AGBL1: variants seen among roughly 807,000 people sequenced by gnomAD.
The protein encoded by AGBL1 is cytosolic carboxypeptidase 4.
A neutral mutation model predicts 118.9 loss-of-function variants in AGBL1; 130 were observed. The observed-to-expected ratio is 1.09, with a 90% CI of 0.95 to 1.26. AGBL1 has a LOEUF of 1.26. Among genes scored for constraint, AGBL1 ranks in the 50% most tolerant of loss-of-function variants. The pLI is 0.00. For missense variants in AGBL1, 1,584 were observed against 1,298.1 expected, an observed-to-expected ratio of 1.22 and a Z score of -3.38; for synonymous variants, 555 against 478.9, an observed-to-expected ratio of 1.16 and a Z score of -2.08.
At chr15:87,009,201 G>C (rs966397741) in intron 24 of AGBL1, among the ~76,000 whole-genome samples, 3 of 152,236 alleles carry the variant, frequency 2.0e-5, no homozygotes, top group African/African-American at 7.2e-5. Flanking sequence ...GCTCAGTACA[G>C]GGTCCCTATG....
rs568243139 is a variant in AGBL1 at position 86,479,314 on chromosome 15, A to C, written c.2556-43496A>C. On this transcript the variant is annotated intron_variant, in intron 18 of 22. Coordinates refer to ENST00000614907, the MANE Select transcript of AGBL1 (RefSeq NM_001386094.1). Reference sequence around the variant, plus strand: ...ACAGGCAACCTACAGAATGGGAGAAAAATTTTGCAATCTACTCATCTGACA... The same window carrying C: ...ACAGGCAACCTACAGAATGGGAGAACAATTTTGCAATCTACTCATCTGACA... Among the ~76,000 whole-genome samples, 6 of 152,328 alleles carry C rather than the reference A, an allele frequency of 3.9e-5. No individual in the cohort carries two copies. The South Asian group carries it at 1.2e-3, about 32-fold the overall frequency.
chr15:86,761,650 A>G (rs2078026082), intron 22 of AGBL1, among the ~76,000 whole-genome samples: 1 of 152,018 alleles, frequency 6.6e-6, no homozygotes, highest in South Asian at 2.1e-4. Context: ...TCTGTTCATA[A>G]TCATTTGTGC....
At chr15:86,314,975 T>C (rs1402983845) in intron 17 of AGBL1, among the ~76,000 whole-genome samples, 1 of 152,214 alleles carries the variant, frequency 6.6e-6, no homozygotes, top group African/African-American at 2.4e-5. Context: ...GTTCCTTATC[T>C]GTAAATAGGG....
chr15:86,836,545 G>A (rs919156843), intron 22 of AGBL1, among the ~76,000 whole-genome samples: 49 of 152,062 alleles, frequency 3.2e-4, no homozygotes, highest in African/African-American at 1.1e-3. Flanking sequence ...CTCACCCCAA[G>A]ACAAGCTCTC....
chr15:86,669,324 G>T (rs576993794), intron 21 of AGBL1, among the ~76,000 whole-genome samples: 5 of 151,778 alleles, frequency 3.3e-5, no homozygotes, highest in South Asian at 2.1e-4. Context: ...GTTGAAGAAA[G>T]AATTATTAAT....
At chr15:86,465,232 C>T (rs2082387588) in intron 18 of AGBL1, among the ~76,000 whole-genome samples, 1 of 152,270 alleles carries the variant, frequency 6.6e-6, no homozygotes, top group South Asian at 2.1e-4. Flanking sequence ...GATTTATGGA[C>T]ATTTATCACT....
At position 86,563,013 on chromosome 15, in the gene AGBL1, G is replaced by A. The variant is rs374105353; in HGVS notation, c.2994+8476G>A. 7.2e-5 allele frequency among the ~76,000 whole-genome samples: 11 copies of A among 151,942 alleles called. No individual in the cohort carries two copies. In the East Asian group the frequency reaches 7.7e-4, roughly 11 times the overall value. On this transcript the variant is annotated intron_variant, in intron 21 of 22. Transcript: ENST00000614907. Reference sequence around the variant, plus strand: ...TATCCCCTTTATCATTTTTTATTGCGTTTATTTGATTCTTCTCTCTTTTTT... The same window carrying A: ...TATCCCCTTTATCATTTTTTATTGCATTTATTTGATTCTTCTCTCTTTTTT...
intron 18 of AGBL1, among the ~76,000 whole-genome samples, chr15:86,510,901 T>C (rs1257392387): frequency 6.6e-6 from 1 of 152,084 alleles, no homozygotes; most frequent in Non-Finnish European, 1.5e-5. Context: ...TCTATCACCT[T>C]CTGACCACTG....
chr15:86,169,576 C>A lies in AGBL1; in HGVS notation c.488+10550C>A, dbSNP rs1051388243. ...TTCATATAAAATATTGCAATAGTCG[C>A]ATATAACTTATGCACTTCCTCCTGT... On this transcript the variant is annotated intron_variant, in intron 5 of 22. Coordinates refer to ENST00000614907, the MANE Select transcript of AGBL1 (RefSeq NM_001386094.1). Among the ~76,000 whole-genome samples the A allele has an allele frequency of 5.9e-5, 9 of 152,182 alleles. 1 individual carries two copies. The highest frequency in any genetic ancestry group is 6.3e-3 in the Middle Eastern group (2 of 316).
intron 17 of AGBL1, among the ~76,000 whole-genome samples, chr15:86,374,833 T>C (rs768872481): frequency 7.9e-5 from 12 of 152,248 alleles, no homozygotes; most frequent in Non-Finnish European, 1.6e-4. Context: ...CCATATTATC[T>C]TGAGCCAGTC....
intron 17 of AGBL1, among the ~76,000 whole-genome samples, chr15:86,382,781 C>T (rs2081129744): frequency 6.6e-6 from 1 of 151,908 alleles, no homozygotes; most frequent in Non-Finnish European, 1.5e-5. Flanking sequence ...AATATAATAG[C>T]TCTATTTAAA....
chr15:86,557,272 T>G (rs2083748180), intron 21 of AGBL1, among the ~76,000 whole-genome samples: 1 of 152,144 alleles, frequency 6.6e-6, no homozygotes. Context: ...GGGGGCTCAT[T>G]TTTTTAGAGG....
intron 18 of AGBL1, among the ~76,000 whole-genome samples, chr15:86,452,289 GT>G (rs2082203486): frequency 6.6e-6 from 1 of 152,138 alleles, no homozygotes; most frequent in Non-Finnish European, 1.5e-5. Flanking sequence ...CCTTTCTTGA[GT>G]GTCATTCCAC....
intron 24 of AGBL1, among the ~76,000 whole-genome samples, chr15:86,998,147 A>C (rs2081397253): frequency 6.6e-6 from 1 of 152,108 alleles, no homozygotes; most frequent in Non-Finnish European, 1.5e-5. Flanking sequence ...GCTTTGTGTA[A>C]TTCCCTCCCG....
intron 17 of AGBL1, among the ~76,000 whole-genome samples, chr15:86,383,797 G>A (rs1415966956): frequency 6.6e-6 from 1 of 152,066 alleles, no homozygotes; most frequent in Non-Finnish European, 1.5e-5. Context: ...GCTTCCTCAA[G>A]GATTTTGGAT....
At chr15:86,846,179 A>G (rs150659326) in intron 22 of AGBL1, among the ~76,000 whole-genome samples, 340 of 152,188 alleles carry the variant, frequency 2.2e-3, no homozygotes, top group Non-Finnish European at 3.7e-3. Context: ...ACTCTTCAGT[A>G]TTTCCTGTAT....
At chr15:86,336,459 T>C (rs1161938643) in intron 17 of AGBL1, among the ~76,000 whole-genome samples, 2 of 152,156 alleles carry the variant, frequency 1.3e-5, no homozygotes, top group African/African-American at 4.8e-5. Flanking sequence ...ATAAATTGCA[T>C]TTGGAGCTAA....
intron 21 of AGBL1, among the ~76,000 whole-genome samples, chr15:86,632,174 A>T (rs907140040): frequency 6.7e-6 from 1 of 149,588 alleles, no homozygotes; most frequent in Non-Finnish European, 1.5e-5. Flanking sequence ...AGGCTGAGGG[A>T]GGAGGATCAC....
intron 22 of AGBL1, among the ~76,000 whole-genome samples, chr15:86,783,121 A>G (rs1160726607): frequency 2.0e-5 from 3 of 152,200 alleles, no homozygotes; most frequent in Non-Finnish European, 4.4e-5. Context: ...TCCAGTTGTT[A>G]TAAGAAGTTA....
Sources: allele counts gnomAD v4.1 joint callset (sites outside exome capture counted in the v4.1 genomes callset), GRCh38; gene constraint gnomAD v4.1.1; transcripts MANE v1.5; gene names NCBI Gene and HGNC (gene_info 2026-07-23, HGNC 2026-07-21).